The following CDH20 variants were observed in gnomAD, a reference collection of about 807,000 sequenced individuals.
CDH20 encodes cadherin 20.
A neutral mutation model predicts 74.2 loss-of-function variants in CDH20; 29 were observed. That is an observed-to-expected ratio of 0.39 (90% CI 0.29 to 0.53). The LOEUF is 0.53. Among genes scored for constraint, CDH20 ranks in the 20% least tolerant of loss-of-function variants. The probability of loss-of-function intolerance (pLI) is 0.69; values close to 1 mark genes in which losing one functional copy is unlikely to be tolerated. For synonymous variants in CDH20, 469 were observed against 405.4 expected, an observed-to-expected ratio of 1.16 and a Z score of -1.88; for missense variants, 988 against 1,048.3, an observed-to-expected ratio of 0.94 and a Z score of 0.79.
At chr18:61,519,450 A>G (rs557448039) in intron 6 of CDH20, among the ~76,000 whole-genome samples, 2 of 151,456 alleles carry the variant, frequency 1.3e-5, no homozygotes, top group South Asian at 2.1e-4. Context: ...AGCCAGAAGA[A>G]AGTGGGAGCC....
Position 61,456,910 on chromosome 18 carries a change from C to T in CDH20, c.-152-33492C>T, listed in dbSNP as rs552588643. The stretch of plus-strand genomic sequence containing the variant: ...GACAGAAATCATCTCCCTTGTATCT[C>T]CTTTCATTAGGCCACTAATCTCATT... On this transcript the variant is annotated intron_variant, in intron 1 of 11. Coordinates refer to ENST00000262717, the MANE Select transcript of CDH20 (RefSeq NM_031891.4). Among the ~76,000 whole-genome samples, 9 of 152,254 alleles carry T rather than the reference C, an allele frequency of 5.9e-5. No homozygotes were observed. In the South Asian group the frequency reaches 1.9e-3, roughly 32 times the overall value.
At position 61,394,281 on chromosome 18, in the gene CDH20, T is replaced by C. The variant is rs117594828; in HGVS notation, c.-153+60454T>C. ...TCTGGAATGTCTCCCCAAAATTCCA[T>C]TGTTGAGGTTCTACCCCGCAAGACC... On this transcript the variant is annotated intron_variant, in intron 1 of 11. Transcript: ENST00000262717. 3.9e-3 allele frequency among the ~76,000 whole-genome samples: 592 copies of C among 152,250 alleles called. 3 individuals are homozygous for C. Among genetic ancestry groups the C allele is most frequent in the Non-Finnish European group, 6.4e-3 (435 of 68,006 alleles).
At chr18:61,549,028 G>A (rs1357879895) in intron 10 of CDH20, among the ~76,000 whole-genome samples, 1 of 152,104 alleles carries the variant, frequency 6.6e-6, no homozygotes, top group Non-Finnish European at 1.5e-5. Flanking sequence ...CCTCTGTGTT[G>A]GTGGTATTAG....
chr18:61,362,121 T>C (rs1372376316), intron 1 of CDH20, among the ~76,000 whole-genome samples: 1 of 152,188 alleles, frequency 6.6e-6, no homozygotes, highest in Non-Finnish European at 1.5e-5. Context: ...AGAAACGATT[T>C]TCCTATCTTC....
intron 4 of CDH20, 41 bp from the exon 5 acceptor site, chr18:61,502,912 G>A: frequency 6.5e-7 from 1 of 1,532,066 alleles, no homozygotes; most frequent in Non-Finnish European, 8.8e-7. Flanking sequence ...AACTGGACCT[G>A]TGGTTTTATT....
intron 1 of CDH20, among the ~76,000 whole-genome samples, chr18:61,480,687 C>T (rs73966906): frequency 0.03 from 4,589 of 152,272 alleles, 231 homozygotes; most frequent in African/African-American, 0.1. Flanking sequence ...ACTTAGAGAT[C>T]TTGGATCCGA....
chr18:61,485,649 A>T (rs2144286593), intron 1 of CDH20, among the ~76,000 whole-genome samples: 1 of 152,352 alleles, frequency 6.6e-6, no homozygotes, highest in African/African-American at 2.4e-5. Context: ...GAGAGCCTTT[A>T]TGGAGATCTT....
At chr18:61,439,484 C>A (rs1296344907) in intron 1 of CDH20, among the ~76,000 whole-genome samples, 1 of 151,906 alleles carries the variant, frequency 6.6e-6, no homozygotes, top group Non-Finnish European at 1.5e-5. Flanking sequence ...AAGAAGATTC[C>A]AATATACCAT....
At chr18:61,449,510 C>T (rs1015965140) in intron 1 of CDH20, among the ~76,000 whole-genome samples, 31 of 151,940 alleles carry the variant, frequency 2.0e-4, no homozygotes, top group Admixed American at 1.1e-3. Context: ...TGTTGGCATC[C>T]GATAGCCATG....
intron 10 of CDH20, among the ~76,000 whole-genome samples, chr18:61,549,702 G>T (rs1421985250): frequency 6.6e-6 from 1 of 151,672 alleles, no homozygotes; most frequent in African/African-American, 2.4e-5. Flanking sequence ...CTGACAGTTT[G>T]CCTTGGGCAC....
chr18:61,523,931 G>C (rs1912298701), intron 6 of CDH20, among the ~76,000 whole-genome samples: 1 of 152,196 alleles, frequency 6.6e-6, no homozygotes, highest in African/African-American at 2.4e-5. Context: ...GGCTAGGGGA[G>C]GGATAGCATT....
intron 1 of CDH20, among the ~76,000 whole-genome samples, chr18:61,349,271 A>G (rs1023079123): frequency 2.0e-5 from 3 of 152,232 alleles, no homozygotes; most frequent in African/African-American, 7.2e-5. Context: ...AAAAATGAAC[A>G]GGTGAATTTA....
intron 1 of CDH20, among the ~76,000 whole-genome samples, chr18:61,383,904 G>C (rs1466990046): frequency 6.6e-6 from 1 of 152,088 alleles, no homozygotes; most frequent in Non-Finnish European, 1.5e-5. Flanking sequence ...GGAAGAACGG[G>C]ACATGATTCA....
intron 1 of CDH20, among the ~76,000 whole-genome samples, chr18:61,346,687 A>C (rs1019217342): frequency 6.6e-6 from 1 of 152,156 alleles, no homozygotes; most frequent in Non-Finnish European, 1.5e-5. Context: ...TTCAATTATC[A>C]TTATCTACAC....
chr18:61,347,964 A>G (rs1394761565), intron 1 of CDH20, among the ~76,000 whole-genome samples: 1 of 152,186 alleles, frequency 6.6e-6, no homozygotes, highest in African/African-American at 2.4e-5. Flanking sequence ...TAGTTTTATT[A>G]GTTGATAATT....
intron 1 of CDH20, among the ~76,000 whole-genome samples, chr18:61,368,020 C>T (rs554543279): frequency 2.2e-4 from 33 of 152,200 alleles, no homozygotes; most frequent in Non-Finnish European, 8.8e-5. Flanking sequence ...ATCACCTGTG[C>T]CAAGAACCTA....
At chr18:61,507,123 C>A (rs572822855) in intron 5 of CDH20, among the ~76,000 whole-genome samples, 3 of 152,324 alleles carry the variant, frequency 2.0e-5, no homozygotes, top group East Asian at 3.9e-4. Flanking sequence ...AGGACTAAGT[C>A]GTTTTGCTTT....
intron 6 of CDH20, among the ~76,000 whole-genome samples, chr18:61,514,752 C>T (rs1911923699): frequency 6.6e-6 from 1 of 151,788 alleles, no homozygotes; most frequent in African/African-American, 2.4e-5. Context: ...TGTTGGAATA[C>T]CCTGCCGTGT....
At chr18:61,372,763 T>G (rs1267722541) in intron 1 of CDH20, among the ~76,000 whole-genome samples, 1 of 152,078 alleles carries the variant, frequency 6.6e-6, no homozygotes, top group Non-Finnish European at 1.5e-5. Context: ...AACTGCAGAG[T>G]TGAGTAGGTG....
Sources: allele counts gnomAD v4.1 joint callset (sites outside exome capture counted in the v4.1 genomes callset), GRCh38; gene constraint gnomAD v4.1.1; transcripts MANE v1.5; gene names NCBI Gene and HGNC (gene_info 2026-07-23, HGNC 2026-07-21).